The following PABIR2 variants were observed in gnomAD, a reference collection of about 807,000 sequenced individuals.
PABIR2 encodes the protein PABIR family member 2, also known as family with sequence similarity 122B.
Under a neutral mutation model 22.8 loss-of-function variants are expected in PABIR2, and 7 were observed. The ratio of observed to expected loss-of-function variants is 0.31; its 90% CI spans 0.17 to 0.58. The LOEUF is 0.58. Among genes scored for constraint, PABIR2 ranks in the 20% least tolerant of loss-of-function variants. The pLI, the probability that PABIR2 is intolerant of heterozygous loss-of-function variation, is 0.89. For missense variants in PABIR2, 155 were observed against 205.1 expected, an observed-to-expected ratio of 0.76 and a Z score of 1.49; for synonymous variants, 67 against 73.8, an observed-to-expected ratio of 0.91 and a Z score of 0.47.
At chrX:134,773,506 C>T (rs775573004) in intron 9 of PABIR2, among the ~76,000 whole-genome samples, 2 of 104,612 alleles carry the variant, frequency 1.9e-5, no homozygotes, top group East Asian at 2.8e-4. Context: ...TAACCTAATT[C>T]GGAGGAATGA....
chrX:134,789,367 T>C (rs914494087), intron 3 of PABIR2, 101 bp from the exon 4 acceptor site: 1 of 1,071,750 alleles, frequency 9.3e-7, no homozygotes, highest in African/African-American at 1.8e-5. Context: ...CTGCTTCAAA[T>C]AAAATAAAAA....
chrX:134,797,188 G>C lies in PABIR2; in HGVS notation c.-983C>G, dbSNP rs1418974642. On this transcript the variant is annotated 5_prime_UTR_variant, in exon 1 of 10. Transcript: ENST00000343004. Reference sequence around the variant, plus strand: ...CCGCTGGGCCAGTTCTTCCGCGTCCGGGCACCCATCGGGTCCTGCGCACGC... The same window carrying C: ...CCGCTGGGCCAGTTCTTCCGCGTCCCGGCACCCATCGGGTCCTGCGCACGC... The C allele has an allele frequency of 8.8e-6, 1 of 113,892 alleles. No individual in the cohort carries two copies. Among genetic ancestry groups the C allele is most frequent in the African/African-American group, 3.2e-5 (1 of 31,367 alleles). The allele number at this position is 113,892 out of a possible 1,213,427, so 9.4% of individuals were successfully genotyped here. A position where few individuals can be genotyped will look rare whatever the true frequency, so the allele number is the denominator to read the frequency against.
chrX:134,793,048 C>T (rs2079597037), intron 2 of PABIR2, among the ~76,000 whole-genome samples: 1 of 112,068 alleles, frequency 8.9e-6, no homozygotes, highest in South Asian at 3.7e-4. Flanking sequence ...CAAAATGCAT[C>T]TCTTCTAATT....
In PABIR2 at chrX:134,789,128, G is replaced by C. The variant is rs775848587; in HGVS notation, c.290C>G (p.Thr97Arg). The change falls in exon 5 of 10, where the codon ACG (threonine) becomes AGG (arginine). Residue 97 changes from threonine (T) to arginine (R), a missense_variant. Physicochemically the swap from Thr to Arg is moderately conservative, Grantham distance 71. Coordinates refer to ENST00000343004, the MANE Select transcript of PABIR2 (RefSeq NM_001387468.1). ...RETAHEREMQ[T>R]AMQISQSWDE... is the part of the protein sequence containing the mutation. ...CCATGATTGGCTTATCTGCATTGCC[G>C]TTTGCATTTCCCTAAAATAAACAAA... is the stretch of plus-strand genomic sequence containing the variant. 2 of 1,211,903 alleles carry C rather than the reference G, an allele frequency of 1.7e-6. No homozygotes were observed. The highest frequency in any genetic ancestry group is 2.2e-6 in the Non-Finnish European group (2 of 895,555).
At chrX:134,788,469 T>TAA (rs1234978038) in intron 6 of PABIR2, among the ~76,000 whole-genome samples, 8 of 106,799 alleles carry the variant, frequency 7.5e-5, no homozygotes, top group African/African-American at 2.7e-4. Flanking sequence ...TATATATGTG[T>TAA]TATATATACG....
In PABIR2 at chrX:134,796,717, G is replaced by T; in HGVS notation, c.-512C>A. Reference sequence around the variant, plus strand: ...GAAAGAAGGAGGTGGTCTGGGAAGAGGAGAGAGGAGGGAGAAGAGGAGGGG... The same window carrying T: ...GAAAGAAGGAGGTGGTCTGGGAAGATGAGAGAGGAGGGAGAAGAGGAGGGG... On this transcript the variant is annotated 5_prime_UTR_variant, in exon 1 of 10. Coordinates refer to ENST00000343004, the MANE Select transcript of PABIR2 (RefSeq NM_001387468.1). 1 of 115,644 alleles carries T rather than the reference G, an allele frequency of 8.6e-6. No individual in the cohort carries two copies. The allele number at this position is 115,644 out of a possible 1,213,427, so 9.5% of individuals were successfully genotyped here.
intron 7 of PABIR2, among the ~76,000 whole-genome samples, chrX:134,786,979 CT>C (rs2079342063): frequency 9.0e-6 from 1 of 110,942 alleles, no homozygotes. Flanking sequence ...AGAAAAAACT[CT>C]GGTTAAAATG....
rs181704057 is a variant in PABIR2, at chrX:134,771,488, A to G, written c.*651T>C. On this transcript the variant is annotated 3_prime_UTR_variant, in exon 10 of 10. Coordinates refer to ENST00000343004, the MANE Select transcript of PABIR2 (RefSeq NM_001387468.1). Reference sequence around the variant, plus strand: ...ATCCTGTAAGTCCGTTTACATTCTCAGCACTAAAATCAATGCTCACTTCAC... The same window carrying G: ...ATCCTGTAAGTCCGTTTACATTCTCGGCACTAAAATCAATGCTCACTTCAC... The G allele has an allele frequency of 4.1e-4, 424 of 1,046,061 alleles. 3 individuals are homozygous for G. The East Asian group carries it at 7.5e-3, about 19-fold the overall frequency. 86.2% of individuals were successfully genotyped at this position (1,046,061 alleles called of 1,213,427 possible).
chrX:134,793,963 CAAA>C, intron 1 of PABIR2, 70 bp from the exon 2 acceptor site: 2 of 1,165,066 alleles, frequency 1.7e-6, no homozygotes, highest in Non-Finnish European at 2.3e-6. Flanking sequence ...AGATCTCTTT[CAAA>C]TACATTAGCA....
rs17000706 is a variant in PABIR2 at position 134,776,364 on chromosome X, C to A, written c.660-4081G>T. 5.1e-3 allele frequency among the ~76,000 whole-genome samples: 564 copies of A among 111,292 alleles called. 6 individuals carry two copies. The highest frequency in any genetic ancestry group is 0.018 in the African/African-American group (547 of 30,666). ...AAGAAAGACTATCATTTAATCATCA[C>A]CGTATGGCCAGCAGCCCTGAAAACT... On this transcript the variant is annotated intron_variant, in intron 9 of 9. Transcript: ENST00000343004.
At chrX:134,775,511 TC>T (rs1427935184) in intron 9 of PABIR2, among the ~76,000 whole-genome samples, 1 of 63,701 alleles carries the variant, frequency 1.6e-5, no homozygotes, top group Non-Finnish European at 2.6e-5. Flanking sequence ...AGAGCAAGAC[TC>T]CGTCTCAAAA....
intron 5 of PABIR2, 37 bp from the exon 6 acceptor site, chrX:134,788,868 C>T (rs749244627): frequency 3.6e-6 from 4 of 1,108,577 alleles, no homozygotes; most frequent in Middle Eastern, 2.8e-4. Flanking sequence ...ATAATAAATT[C>T]AGCACATCAC....
intron 9 of PABIR2, among the ~76,000 whole-genome samples, chrX:134,778,407 G>C (rs1471184687): frequency 9.6e-6 from 1 of 104,234 alleles, no homozygotes; most frequent in Non-Finnish European, 2.0e-5. Context: ...GAGAGGCTGA[G>C]GTGGGAGAAT....
At chrX:134,785,784 C>T (rs2079297272) in intron 8 of PABIR2, 102 bp downstream of exon 8, 2 of 838,917 alleles carry the variant, frequency 2.4e-6, no homozygotes, top group Non-Finnish European at 3.5e-6. Context: ...ACCTAGTTAC[C>T]TTTCGTATGT....
chrX:134,776,694 T>C (rs2078986805), intron 9 of PABIR2, among the ~76,000 whole-genome samples: 1 of 112,184 alleles, frequency 8.9e-6, no homozygotes, highest in South Asian at 3.7e-4. Flanking sequence ...CACACTCAAA[T>C]TTCAAACTTA....
intron 9 of PABIR2, 145 bp from the exon 10 acceptor site, chrX:134,772,428 A>G: frequency 1.9e-6 from 1 of 514,916 alleles, no homozygotes; most frequent in Non-Finnish European, 2.9e-6. Context: ...GAACTACATA[A>G]TATACTACAT....
chrX:134,794,022 A>C, intron 1 of PABIR2, 129 bp from the exon 2 acceptor site: 2 of 1,102,761 alleles, frequency 1.8e-6, no homozygotes, highest in Non-Finnish European at 2.4e-6. Flanking sequence ...TCCTCATTTC[A>C]TACAGAGAAT....
At chrX:134,795,331 C>T (rs1382195327) in intron 1 of PABIR2, among the ~76,000 whole-genome samples, 1 of 111,581 alleles carries the variant, frequency 9.0e-6, no homozygotes, top group Non-Finnish European at 1.9e-5. Context: ...TACAGGGTCT[C>T]GCAAATTGGC....
Position 134,785,942 on chromosome X carries a change from C to T in PABIR2, c.506G>A (p.Ser169Asn). The T allele has an allele frequency of 8.3e-7, 1 of 1,210,642 alleles. No homozygotes were observed. Among genetic ancestry groups the T allele is most frequent in the Non-Finnish European group, 1.1e-6 (1 of 894,725 alleles). Residue 169 changes from serine (S) to asparagine (N), a missense_variant, in exon 8 of 10, where the codon AGT becomes AAT. Transcript: ENST00000343004. The stretch of plus-strand genomic sequence containing the variant: ...TCTAATGCACTTGACTGGACTCTGA[C>T]TTCTCCTGCTTTGATGAAAAAACAA... ...PSPRRFSSRR[S>N]QSPVKCIRPS...
Sources: gnomAD v4.1 joint callset for allele counts (sites outside exome capture counted in the v4.1 genomes callset) on GRCh38, gnomAD v4.1.1 for gene constraint, MANE v1.5 for transcripts, NCBI Gene and HGNC (gene_info 2026-07-23, HGNC 2026-07-21) for gene names.